The following MACROD2 variants were observed in gnomAD, a reference collection of about 807,000 sequenced individuals.
MACROD2 encodes mono-ADP ribosylhydrolase 2, also known as ADP-ribose glycohydrolase MACROD2.
Under a neutral mutation model 70.4 loss-of-function variants are expected in MACROD2, and 36 were observed. The observed-to-expected ratio is 0.51, with a 90% confidence interval of 0.39 to 0.68. The LOEUF is 0.68. Ranked by LOEUF, MACROD2 falls within the 30% of genes least tolerant of loss-of-function variation. MACROD2 has a pLI of 0.00. For synonymous variants in MACROD2, 172 were observed against 178.8 expected, an observed-to-expected ratio of 0.96 and a Z score of 0.30; for missense variants, 496 against 538.4, an observed-to-expected ratio of 0.92 and a Z score of 0.78.
intron 3 of MACROD2, among the ~76,000 whole-genome samples, chr20:14,172,192 CT>C (rs1219621117): frequency 6.6e-6 from 1 of 151,400 alleles, no homozygotes; most frequent in Non-Finnish European, 1.5e-5. Flanking sequence ...CATGGAATAT[CT>C]TTTTCCACCC....
intron 5 of MACROD2, among the ~76,000 whole-genome samples, chr20:14,786,464 T>C (rs2072375669): frequency 6.6e-6 from 1 of 152,004 alleles, no homozygotes. Flanking sequence ...ATTATTTTTC[T>C]TCTGCTGGCC....
At chr20:14,538,695 T>C (rs947914074) in intron 4 of MACROD2, among the ~76,000 whole-genome samples, 2 of 152,188 alleles carry the variant, frequency 1.3e-5, no homozygotes, top group African/African-American at 4.8e-5. Flanking sequence ...CACTCCTTCG[T>C]ACATTGTCAT....
intron 6 of MACROD2, among the ~76,000 whole-genome samples, chr20:15,423,304 G>A (rs769431365): frequency 9.9e-5 from 15 of 152,170 alleles, no homozygotes; most frequent in Non-Finnish European, 1.2e-4. Flanking sequence ...TTATGGTATA[G>A]TCTTCTCATT....
At chr20:15,666,835 G>A (rs1267063289) in intron 8 of MACROD2, among the ~76,000 whole-genome samples, 3 of 152,168 alleles carry the variant, frequency 2.0e-5, no homozygotes, top group Admixed American at 6.5e-5. Flanking sequence ...AAAGAAGCAC[G>A]CCCACCTTTA....
chr20:14,638,020 T>C (rs1038730518), intron 4 of MACROD2, among the ~76,000 whole-genome samples: 1 of 152,116 alleles, frequency 6.6e-6, no homozygotes, highest in African/African-American at 2.4e-5. Context: ...GATTTTTTTT[T>C]CTTTCTGGGT....
At chr20:14,154,790 G>C (rs1258711678) in intron 3 of MACROD2, among the ~76,000 whole-genome samples, 1 of 152,046 alleles carries the variant, frequency 6.6e-6, no homozygotes, top group Non-Finnish European at 1.5e-5. Context: ...CTTTGTGCCT[G>C]TAGCTGTTCA....
Position 14,918,254 on chromosome 20 carries a change from G to C in MACROD2, c.418+233295G>C, listed in dbSNP as rs916801264. ...GCCTCCCAAAGTGCTGGGATTACAGGCATGAGCAACTGGACTAGAAAAGGT... is the reference window on the plus strand; with the variant it reads ...GCCTCCCAAAGTGCTGGGATTACAGCCATGAGCAACTGGACTAGAAAAGGT... On this transcript the variant is annotated intron_variant, in intron 5 of 17. Transcript: ENST00000684519. Among the ~76,000 whole-genome samples the C allele has an allele frequency of 5.3e-5, 8 of 152,300 alleles. No homozygotes were observed. In the East Asian group the frequency reaches 1.4e-3, roughly 26 times the overall value.
intron 6 of MACROD2, among the ~76,000 whole-genome samples, chr20:15,259,093 C>T (rs1451150245): frequency 6.6e-6 from 1 of 151,968 alleles, no homozygotes; most frequent in Non-Finnish European, 1.5e-5. Context: ...CAAAGCTCAT[C>T]TCCATAGAAA....
At chr20:15,411,731 A>G (rs1464156454) in intron 6 of MACROD2, among the ~76,000 whole-genome samples, 3 of 152,216 alleles carry the variant, frequency 2.0e-5, no homozygotes, top group African/African-American at 7.2e-5. Context: ...GCAGCTGGGG[A>G]AAAAGTATGA....
chr20:14,706,389 G>A (rs1028835989), intron 5 of MACROD2, among the ~76,000 whole-genome samples: 3 of 152,038 alleles, frequency 2.0e-5, no homozygotes, highest in African/African-American at 7.2e-5. Flanking sequence ...GCAAATCAGT[G>A]AGTGTTTTCC....
At chr20:14,208,958 C>T (rs920411036) in intron 3 of MACROD2, among the ~76,000 whole-genome samples, 1 of 152,106 alleles carries the variant, frequency 6.6e-6, no homozygotes, top group South Asian at 2.1e-4. Flanking sequence ...ACAGTTTTCT[C>T]GTACTATGAG....
chr20:15,050,112 A>G (rs1310954314), intron 5 of MACROD2, among the ~76,000 whole-genome samples: 3 of 152,178 alleles, frequency 2.0e-5, no homozygotes, highest in Non-Finnish European at 4.4e-5. Flanking sequence ...ATTTTAGTGT[A>G]ATTTTATTTC....
rs1600181522 is a variant in MACROD2 at position 14,381,907 on chromosome 20, A to G, written c.272-111572A>G. 2.6e-5 allele frequency among the ~76,000 whole-genome samples: 4 copies of G among 152,148 alleles called. No homozygotes were observed. In the East Asian group the frequency reaches 7.7e-4, roughly 29 times the overall value. ...GAAGAAAGACAGACAGATAAGAGAGACACTTGTCTCAATCATATAGTTTCA... is the reference window on the plus strand; with the variant it reads ...GAAGAAAGACAGACAGATAAGAGAGGCACTTGTCTCAATCATATAGTTTCA... On this transcript the variant is annotated intron_variant, in intron 3 of 17. Transcript: ENST00000684519.
intron 3 of MACROD2, among the ~76,000 whole-genome samples, chr20:14,246,925 G>A (rs908760025): frequency 1.3e-5 from 2 of 152,018 alleles, no homozygotes; most frequent in Non-Finnish European, 2.9e-5. Flanking sequence ...TGGCAACCAG[G>A]GTGAAATTTT....
At chr20:15,345,705 T>A (rs1384445795) in intron 6 of MACROD2, among the ~76,000 whole-genome samples, 1 of 152,206 alleles carries the variant, frequency 6.6e-6, no homozygotes, top group Non-Finnish European at 1.5e-5. Context: ...TTAATTGAAA[T>A]GTAAATTGAA....
intron 4 of MACROD2, among the ~76,000 whole-genome samples, chr20:14,616,508 C>T (rs1319170158): frequency 6.6e-6 from 1 of 151,854 alleles, no homozygotes; most frequent in Non-Finnish European, 1.5e-5. Context: ...GCTTCTGAGC[C>T]CCTGGAAATG....
intron 6 of MACROD2, among the ~76,000 whole-genome samples, chr20:15,264,735 A>G (rs2077278009): frequency 6.6e-6 from 1 of 151,678 alleles, no homozygotes; most frequent in South Asian, 2.1e-4. Flanking sequence ...CTCCTGCCAC[A>G]AAGAGTTAGA....
intron 4 of MACROD2, among the ~76,000 whole-genome samples, chr20:14,588,737 C>G (rs1312447030): frequency 4.6e-5 from 7 of 152,152 alleles, no homozygotes. Context: ...GCTGAGATTA[C>G]AGGTGTGAGC....
chr20:14,570,942 C>T (rs1980151802), intron 4 of MACROD2, among the ~76,000 whole-genome samples: 1 of 151,960 alleles, frequency 6.6e-6, no homozygotes, highest in South Asian at 2.1e-4. Flanking sequence ...TCATCTACCC[C>T]AATCCTCCCA....
Sources: gnomAD v4.1 joint callset for allele counts (sites outside exome capture counted in the v4.1 genomes callset) on GRCh38, gnomAD v4.1.1 for gene constraint, MANE v1.5 for transcripts, NCBI Gene and HGNC (gene_info 2026-07-23, HGNC 2026-07-21) for gene names.